Variants in RNF214 observed in about 807,000 individuals in gnomAD.
RNF214 encodes ring finger protein 214.
A neutral mutation model predicts 75.9 loss-of-function variants in RNF214; 25 were observed. The ratio of observed to expected loss-of-function variants is 0.33; its 90% CI spans 0.24 to 0.46. The LOEUF (loss-of-function observed/expected upper bound fraction) is 0.46, where lower values mean the gene tolerates loss of function less well. Among genes scored for constraint, RNF214 ranks in the 20% least tolerant of loss-of-function variants. The pLI is 1.00. For synonymous variants in RNF214, 314 were observed against 308.8 expected (o/e 1.02, Z -0.18); for missense variants, 725 against 857.5 (o/e 0.85, Z 1.93).
chr11:117,268,535 A>G (rs184160567), intron 6 of RNF214, among the ~76,000 whole-genome samples: 3 of 152,320 alleles, frequency 2.0e-5, no homozygotes, highest in Admixed American at 1.3e-4. Context: ...ATACCACATA[A>G]GTGTGGCTCT....
At position 117,282,896 on chromosome 11, in the gene RNF214, G is replaced by A. The variant is rs57615176; in HGVS notation, c.1950+46G>A. ...ACACTGTGATATGGAGAAGCTGGAG[G>A]TGAGGAAGGAGTGGGTTTACAGGTG... On this transcript the variant is annotated intron_variant, in intron 13 of 14. Transcript: ENST00000300650. The A allele has an allele frequency of 1.3e-3, 1,925 of 1,459,126 alleles. 25 individuals carry two copies. In the African/African-American group the frequency reaches 0.023, roughly 18 times the overall value. 90.4% of individuals were successfully genotyped at this position (1,459,126 alleles called of 1,614,324 possible). A position where few individuals can be genotyped will look rare whatever the true frequency, so the allele number is the denominator to read the frequency against.
At chr11:117,259,114 G>A (rs552251909) in intron 6 of RNF214, among the ~76,000 whole-genome samples, 105 of 152,154 alleles carry the variant, frequency 6.9e-4, no homozygotes, top group Non-Finnish European at 1.5e-4. Context: ...GCACGATCAC[G>A]CCCAGCTAAT....
At chr11:117,253,963 G>C (rs916155463) in intron 6 of RNF214, among the ~76,000 whole-genome samples, 14 of 151,708 alleles carry the variant, frequency 9.2e-5, no homozygotes, top group African/African-American at 3.4e-4. Flanking sequence ...TAATATAAGA[G>C]TCTATGTTGG....
chr11:117,240,048 TA>T (rs139284124), intron 4 of RNF214, among the ~76,000 whole-genome samples, 188 bp downstream of exon 4: 15,503 of 148,202 alleles, frequency 0.1, 862 homozygotes, highest in Middle Eastern at 0.14. Flanking sequence ...CAGTTACGTT[TA>T]AAAAAAAAAA....
intron 6 of RNF214, among the ~76,000 whole-genome samples, chr11:117,258,305 G>A (rs2033574215): frequency 6.6e-6 from 1 of 152,052 alleles, no homozygotes; most frequent in Admixed American, 6.6e-5. Context: ...TTGATGTCAT[G>A]ATCCACCCAC....
intron 6 of RNF214, among the ~76,000 whole-genome samples, chr11:117,247,512 T>A (rs532321312): frequency 2.8e-4 from 43 of 152,092 alleles, no homozygotes; most frequent in Non-Finnish European, 4.6e-4. Flanking sequence ...AAAATTTTTT[T>A]TATATGAATC....
chr11:117,268,160 G>A lies in RNF214; in HGVS notation c.960-11748G>A, dbSNP rs1364333959. Among the ~76,000 whole-genome samples the A allele has an allele frequency of 2.6e-5, 4 of 152,290 alleles. No individual in the cohort carries two copies. The East Asian group carries it at 7.7e-4, about 29-fold the overall frequency. On this transcript the variant is annotated intron_variant, in intron 6 of 14. Transcript: ENST00000300650. ...GTCCTAACTTTATTATGGTAATTGG[G>A]GAGACCACCTGTACTGGCTTTATCT...
chr11:117,254,579 A>G (rs570169213), intron 6 of RNF214, among the ~76,000 whole-genome samples: 1 of 149,578 alleles, frequency 6.7e-6, no homozygotes, highest in Non-Finnish European at 1.5e-5. Flanking sequence ...ATTTTCCTGT[A>G]TTACTCCAGT....
chr11:117,266,275 C>A lies in RNF214; in HGVS notation c.960-13633C>A, dbSNP rs114588674. Among the ~76,000 whole-genome samples the A allele has an allele frequency of 7.3e-3, 1,106 of 152,184 alleles. 14 individuals are homozygous for A. Among genetic ancestry groups the A allele is most frequent in the African/African-American group, 0.026 (1,072 of 41,538 alleles). ...CTTTGATTTGCCCACATGCTGTTTTCTTTGTACTTTTCCTGTTTGGAGTTT... is the reference window on the plus strand; with the variant it reads ...CTTTGATTTGCCCACATGCTGTTTTATTTGTACTTTTCCTGTTTGGAGTTT... On this transcript the variant is annotated intron_variant, in intron 6 of 14. Coordinates refer to ENST00000300650, the MANE Select transcript of RNF214 (RefSeq NM_207343.4).
At chr11:117,258,772 C>T (rs1248570886) in intron 6 of RNF214, among the ~76,000 whole-genome samples, 1 of 152,084 alleles carries the variant, frequency 6.6e-6, no homozygotes, top group Non-Finnish European at 1.5e-5. Flanking sequence ...TCAGTCCCTG[C>T]CCCCACTCTC....
intron 6 of RNF214, among the ~76,000 whole-genome samples, chr11:117,272,821 G>A (rs1190079336): frequency 1.3e-5 from 2 of 152,030 alleles, no homozygotes; most frequent in Admixed American, 6.6e-5. Context: ...TGAGATGGGA[G>A]TATAGTAGAT....
chr11:117,236,053 C>A (rs898025674), intron 2 of RNF214, among the ~76,000 whole-genome samples: 1 of 151,612 alleles, frequency 6.6e-6, no homozygotes, highest in Non-Finnish European at 1.5e-5. Flanking sequence ...CTCTGCCTCC[C>A]GGGTTCAAGT....
At chr11:117,236,006 A>C (rs1171846995) in intron 2 of RNF214, among the ~76,000 whole-genome samples, 1 of 151,638 alleles carries the variant, frequency 6.6e-6, no homozygotes, top group Non-Finnish European at 1.5e-5. Context: ...TGTCCCCCAG[A>C]CTGGAGTGCA....
intron 6 of RNF214, among the ~76,000 whole-genome samples, chr11:117,258,349 G>A (rs1180344173): frequency 1.3e-5 from 2 of 151,974 alleles, no homozygotes; most frequent in African/African-American, 2.4e-5. Context: ...TTACAGGCGT[G>A]AGCCACCACG....
At chr11:117,251,177 C>A (rs1324246188) in intron 6 of RNF214, among the ~76,000 whole-genome samples, 1 of 147,738 alleles carries the variant, frequency 6.8e-6, no homozygotes. Context: ...CTCCTCACTT[C>A]CCAGTAGGGG....
rs1046823079 is a variant in RNF214, at chr11:117,281,221, G to C, written c.1146-93G>C. ...ACTCCTGAGCTCAAGTGATCTGCCC[G>C]CCTTGGCCTCTTGTGCTGGGATTAC... On this transcript the variant is annotated intron_variant, in intron 8 of 14. Coordinates refer to ENST00000300650, the MANE Select transcript of RNF214 (RefSeq NM_207343.4). 5 of 820,896 alleles carry C rather than the reference G, an allele frequency of 6.1e-6. No individual in the cohort carries two copies. The East Asian group carries it at 1.3e-4, about 22-fold the overall frequency. The allele number at this position is 820,896 out of a possible 1,614,324, so 50.9% of individuals were successfully genotyped here. A position where few individuals can be genotyped will look rare whatever the true frequency, so the allele number is the denominator to read the frequency against.
At chr11:117,263,363 C>T (rs2033719446) in intron 6 of RNF214, among the ~76,000 whole-genome samples, 1 of 151,384 alleles carries the variant, frequency 6.6e-6, no homozygotes, top group Non-Finnish European at 1.5e-5. Context: ...GCAACCTCCG[C>T]CTACTGGGTG....
intron 6 of RNF214, among the ~76,000 whole-genome samples, chr11:117,271,452 C>G (rs2033908356): frequency 6.6e-6 from 1 of 152,216 alleles, no homozygotes; most frequent in East Asian, 1.9e-4. Flanking sequence ...ATGTGTATTC[C>G]TTTCTCAATG....
chr11:117,269,423 A>G (rs1346971927), intron 6 of RNF214, among the ~76,000 whole-genome samples: 4 of 152,126 alleles, frequency 2.6e-5, no homozygotes, highest in African/African-American at 9.7e-5. Flanking sequence ...GTGCAGTGGC[A>G]TGATCATGGC....
Sources: gnomAD v4.1 joint callset for allele counts (sites outside exome capture counted in the v4.1 genomes callset) on GRCh38, gnomAD v4.1.1 for gene constraint, MANE v1.5 for transcripts, NCBI Gene and HGNC (gene_info 2026-07-23, HGNC 2026-07-21) for gene names.